The following SNTG1 variants were observed in gnomAD, a reference collection of about 807,000 sequenced individuals.
The protein encoded by SNTG1 is gamma-1-syntrophin.
Under a neutral mutation model 74.7 loss-of-function variants are expected in SNTG1, and 39 were observed. That is an observed-to-expected ratio of 0.52 (90% CI 0.40 to 0.68). The LOEUF (loss-of-function observed/expected upper bound fraction) is 0.68, where lower values mean the gene tolerates loss of function less well. Among genes scored for constraint, SNTG1 ranks in the 30% least tolerant of loss-of-function variants. The probability of loss-of-function intolerance (pLI) is 0.00; values close to 1 mark genes in which losing one functional copy is unlikely to be tolerated. For synonymous variants in SNTG1, 254 were observed against 217.1 expected (o/e 1.17, Z -1.49); for missense variants, 685 against 609.5 (o/e 1.12, Z -1.30).
At chr8:50,664,975 C>G (rs143644897) in intron 15 of SNTG1, among the ~76,000 whole-genome samples, 2 of 152,268 alleles carry the variant, frequency 1.3e-5, no homozygotes, top group African/African-American at 4.8e-5. Flanking sequence ...CTGCCTGTTT[C>G]AGAGCTAGCA....
intron 2 of SNTG1, among the ~76,000 whole-genome samples, chr8:50,224,876 C>G (rs2085248671): frequency 6.6e-6 from 1 of 152,206 alleles, no homozygotes; most frequent in African/African-American, 2.4e-5. Context: ...GCTGTCTCTT[C>G]TGGGGAAAAT....
intron 9 of SNTG1, among the ~76,000 whole-genome samples, chr8:50,519,463 G>A (rs1322900183): frequency 2.0e-5 from 3 of 151,998 alleles, no homozygotes; most frequent in Non-Finnish European, 4.4e-5. Flanking sequence ...GGGCAATCAG[G>A]CAAGAGAAAA....
chr8:50,134,801 A>C (rs2081420434), intron 1 of SNTG1, among the ~76,000 whole-genome samples: 1 of 152,204 alleles, frequency 6.6e-6, no homozygotes, highest in African/African-American at 2.4e-5. Flanking sequence ...TTCAGAGCAC[A>C]GATGGAAGTG....
At chr8:50,117,367 G>T (rs536342761) in intron 1 of SNTG1, among the ~76,000 whole-genome samples, 112 of 152,152 alleles carry the variant, frequency 7.4e-4, no homozygotes, top group African/African-American at 2.6e-3. Flanking sequence ...ATCAAAATGC[G>T]TGTGATTCTT....
chr8:50,422,907 A>G (rs2093112962), intron 4 of SNTG1, among the ~76,000 whole-genome samples: 1 of 152,124 alleles, frequency 6.6e-6, no homozygotes, highest in African/African-American at 2.4e-5. Flanking sequence ...AAGGGCTATT[A>G]CCATTTAAAC....
chr8:50,773,154 A>C (rs952252175), intron 18 of SNTG1, among the ~76,000 whole-genome samples: 1 of 152,130 alleles, frequency 6.6e-6, no homozygotes, highest in African/African-American at 2.4e-5. Flanking sequence ...CATTGGAAAA[A>C]TTGCTAACCT....
chr8:50,634,648 C>A (rs1209220500), intron 13 of SNTG1, among the ~76,000 whole-genome samples: 1 of 151,388 alleles, frequency 6.6e-6, no homozygotes, highest in Non-Finnish European at 1.5e-5. Context: ...TGATAAAAAC[C>A]TCTTCATATT....
intron 17 of SNTG1, among the ~76,000 whole-genome samples, chr8:50,745,747 C>T (rs996864935): frequency 2.6e-5 from 4 of 151,938 alleles, no homozygotes; most frequent in East Asian, 1.9e-4. Context: ...GAAAACCTTA[C>T]GTTAAGTGAA....
intron 1 of SNTG1, among the ~76,000 whole-genome samples, chr8:50,133,109 T>A (rs940862901): frequency 1.2e-4 from 18 of 152,324 alleles, no homozygotes; most frequent in African/African-American, 4.3e-4. Flanking sequence ...GACGAGCCAG[T>A]CTGCACCTTC....
At chr8:50,011,436 T>C (rs1815786476) in intron 1 of SNTG1, among the ~76,000 whole-genome samples, 1 of 152,174 alleles carries the variant, frequency 6.6e-6, no homozygotes, top group Non-Finnish European at 1.5e-5. Context: ...TTTTTAACTT[T>C]TATCAAGATG....
At chr8:50,465,204 C>G (rs1487123871) in intron 8 of SNTG1, among the ~76,000 whole-genome samples, 2 of 152,130 alleles carry the variant, frequency 1.3e-5, no homozygotes, top group Non-Finnish European at 2.9e-5. Flanking sequence ...CTCATTCTAA[C>G]AAATGGTTAT....
At chr8:50,719,197 A>G (rs2095481788) in intron 17 of SNTG1, among the ~76,000 whole-genome samples, 1 of 152,232 alleles carries the variant, frequency 6.6e-6, no homozygotes, top group South Asian at 2.1e-4. Context: ...GTGTTCCTTC[A>G]AAATTCATAC....
At chr8:50,701,744 TCTCC>T (rs2095425988) in intron 15 of SNTG1, among the ~76,000 whole-genome samples, 1 of 54,822 alleles carries the variant, frequency 1.8e-5, no homozygotes, top group African/African-American at 5.2e-5. Flanking sequence ...TTCTTTTTCT[TCTCC>T]TTCTTCTCCT....
At chr8:50,457,457 G>T (rs1390469026) in intron 8 of SNTG1, among the ~76,000 whole-genome samples, 1 of 152,170 alleles carries the variant, frequency 6.6e-6, no homozygotes, top group Non-Finnish European at 1.5e-5. Flanking sequence ...TTCCCAAGGA[G>T]CAAATGTACA....
chr8:50,486,909 CAT>C (rs1186658631), intron 8 of SNTG1, among the ~76,000 whole-genome samples: 1 of 152,166 alleles, frequency 6.6e-6, no homozygotes, highest in Non-Finnish European at 1.5e-5. Flanking sequence ...TTGAGATAAT[CAT>C]GTGGTTTTTG....
intron 1 of SNTG1, among the ~76,000 whole-genome samples, chr8:50,106,191 T>G (rs1247360876): frequency 6.6e-6 from 1 of 152,078 alleles, no homozygotes; most frequent in Admixed American, 6.6e-5. Flanking sequence ...CTAAGGAAAC[T>G]TACAATCATG....
chr8:50,201,647 A>G (rs570815311), intron 2 of SNTG1, among the ~76,000 whole-genome samples: 2 of 152,276 alleles, frequency 1.3e-5, no homozygotes, highest in Admixed American at 1.3e-4. Context: ...CACTGATACT[A>G]GAAATCAGGA....
intron 12 of SNTG1, among the ~76,000 whole-genome samples, chr8:50,560,137 A>G (rs957292193): frequency 6.6e-6 from 1 of 152,232 alleles, no homozygotes. Context: ...ATCACTGGTC[A>G]TTAGAGAAAT....
At chr8:50,077,076 C>T (rs758898001) in intron 1 of SNTG1, among the ~76,000 whole-genome samples, 1 of 152,306 alleles carries the variant, frequency 6.6e-6, no homozygotes, top group Non-Finnish European at 1.5e-5. Flanking sequence ...TATATTTACT[C>T]CTGGATGTTT....
Sources: gnomAD v4.1 joint callset for allele counts (sites outside exome capture counted in the v4.1 genomes callset) on GRCh38, gnomAD v4.1.1 for gene constraint, MANE v1.5 for transcripts, NCBI Gene and HGNC (gene_info 2026-07-23, HGNC 2026-07-21) for gene names.